Variants in MAP3K15 observed in about 807,000 individuals in gnomAD.
The protein encoded by MAP3K15 is mitogen-activated protein kinase kinase kinase 15, also known as MAPK/ERK kinase kinase 15.
Under a neutral mutation model 99.5 loss-of-function variants are expected in MAP3K15, and 124 were observed. That is an observed-to-expected ratio of 1.25 (90% CI 1.08 to 1.45). The LOEUF (loss-of-function observed/expected upper bound fraction) is 1.45. Among genes scored for constraint, MAP3K15 ranks in the 40% most tolerant of loss-of-function variants. MAP3K15 has a pLI of 0.00. For synonymous variants in MAP3K15, 494 were observed against 439.6 expected (o/e 1.12, Z -1.55); for missense variants, 1,242 against 1,079.7 (o/e 1.15, Z -2.11).
At position 19,431,448 on chromosome X, in the gene MAP3K15, C is replaced by T. The variant is rs2063880941; in HGVS notation, c.1156G>A (p.Ala386Thr). 7 of 1,199,101 alleles carry T rather than the reference C, an allele frequency of 5.8e-6. No individual in the cohort carries two copies. The highest frequency in any genetic ancestry group is 2.3e-4 in the Middle Eastern group (1 of 4,315). The change falls in exon 7 of 29, where the codon GCC becomes ACC. Residue 386 changes from alanine (A) to threonine (T), a missense_variant. Physicochemically the swap from Ala to Thr is moderately conservative, Grantham distance 58. Transcript: ENST00000338883. ...DCKDDTSRDS[A>T]IEWYRKGFEL... Reference sequence around the variant, plus strand: ...GGGCTGAGGGTTTACCACTCAATGGCGCTGTCGCGGCTGGTGTCATCTTTG... The same window carrying T: ...GGGCTGAGGGTTTACCACTCAATGGTGCTGTCGCGGCTGGTGTCATCTTTG...
chrX:19,384,943 T>A (rs976498254), intron 18 of MAP3K15, among the ~76,000 whole-genome samples: 1 of 110,483 alleles, frequency 9.1e-6, no homozygotes, highest in Non-Finnish European at 1.9e-5. Context: ...ATACCTGCTA[T>A]ATACCCACAA....
Position 19,360,508 on chromosome X carries a change from T to TAATA in MAP3K15, c.*237_*240dup, listed in dbSNP as rs2063269783. 3 of 297,155 alleles carry TAATA rather than the reference T, an allele frequency of 1.0e-5. No individual in the cohort carries two copies. The highest frequency in any genetic ancestry group is 1.8e-5 in the Non-Finnish European group (3 of 168,688). 24.5% of individuals were successfully genotyped at this position (297,155 alleles called of 1,213,427 possible). ...TAGCTGGGACTACAAGTGAATTTCC[T>TAATA]AATATTCCGGGAGGTCAAAACCAAG... On this transcript the variant is annotated 3_prime_UTR_variant, in exon 29 of 29. Coordinates refer to ENST00000338883, the MANE Select transcript of MAP3K15 (RefSeq NM_001001671.4).
chrX:19,442,188 C>G (rs2063964009), intron 6 of MAP3K15, among the ~76,000 whole-genome samples: 1 of 111,476 alleles, frequency 9.0e-6, no homozygotes, highest in Non-Finnish European at 1.9e-5. Flanking sequence ...AGGAAGACTT[C>G]CATCACCACT....
chrX:19,412,307 G>T (rs1480426506), intron 11 of MAP3K15, among the ~76,000 whole-genome samples: 1 of 112,032 alleles, frequency 8.9e-6, no homozygotes, highest in East Asian at 2.8e-4. Flanking sequence ...TTCAGGAGTG[G>T]GTAACTGTTC....
chrX:19,503,908 A>T (rs1362621267), intron 1 of MAP3K15, among the ~76,000 whole-genome samples: 2 of 107,597 alleles, frequency 1.9e-5, no homozygotes, highest in Admixed American at 2.0e-4. Flanking sequence ...TGAGCCCAGG[A>T]GTTCGAGACC....
chrX:19,424,224 A>G (rs955114576), intron 9 of MAP3K15, among the ~76,000 whole-genome samples: 3 of 101,722 alleles, frequency 2.9e-5, no homozygotes, highest in Non-Finnish European at 5.7e-5. Context: ...ATACACACAT[A>G]TATGTACACA....
intron 9 of MAP3K15, among the ~76,000 whole-genome samples, chrX:19,416,284 T>C (rs1288229342): frequency 9.0e-6 from 1 of 110,722 alleles, no homozygotes; most frequent in East Asian, 2.8e-4. Context: ...TGAGCTGAGA[T>C]TGTGCCACTG....
intron 1 of MAP3K15, among the ~76,000 whole-genome samples, chrX:19,494,813 C>G (rs767561892): frequency 6.6e-5 from 7 of 105,858 alleles, no homozygotes; most frequent in Non-Finnish European, 1.3e-4. Context: ...AAGTTTTTGG[C>G]CAAAGACTTC....
intron 6 of MAP3K15, among the ~76,000 whole-genome samples, chrX:19,453,909 T>C (rs2064074657): frequency 9.0e-6 from 1 of 111,270 alleles, no homozygotes; most frequent in Non-Finnish European, 1.9e-5. Context: ...GTGGCTACTG[T>C]AGAGATGACG....
At chrX:19,370,860 C>T in intron 24 of MAP3K15, 99 bp downstream of exon 24, 1 of 663,832 alleles carries the variant, frequency 1.5e-6, no homozygotes, top group Non-Finnish European at 2.4e-6. Flanking sequence ...AGTAGATAAC[C>T]AAGATGGAAA....
Position 19,460,145 on chromosome X carries a change from T to C in MAP3K15, c.728A>G (p.Tyr243Cys), listed in dbSNP as rs1350864011. The C allele has an allele frequency of 5.1e-6, 6 of 1,181,175 alleles. No individual in the cohort carries two copies. Among genetic ancestry groups the C allele is most frequent in the South Asian group, 1.9e-5 (1 of 53,654 alleles). ...GATGTCATTTAACAAGGTTTCTTTG[T>C]AATAAACACTATAGAAAGAAAAACA... is the stretch of plus-strand genomic sequence containing the variant. ...KDIHVTSCVYYKETLLNDIRK... is the reference protein window; with the variant it reads ...KDIHVTSCVYCKETLLNDIRK... Residue 243 changes from tyrosine (Y) to cysteine (C), a missense_variant, in exon 5 of 29, where the codon TAC becomes TGC. Transcript: ENST00000338883.
chrX:19,365,098 GGAGGGGAGACT>G (rs1023609881), intron 25 of MAP3K15, among the ~76,000 whole-genome samples: 10 of 108,427 alleles, frequency 9.2e-5, no homozygotes, highest in Non-Finnish European at 1.9e-4. Context: ...CAGCTACTCG[GGAGGGGAGACT>G]GAGGCAGAAG....
intron 24 of MAP3K15, among the ~76,000 whole-genome samples, chrX:19,369,887 G>A (rs2063362225): frequency 9.1e-6 from 1 of 109,958 alleles, no homozygotes; most frequent in African/African-American, 3.3e-5. Flanking sequence ...TCCAGCCTGG[G>A]TGACAGAGCA....
intron 3 of MAP3K15, among the ~76,000 whole-genome samples, chrX:19,474,876 T>A (rs2064231522): frequency 1.8e-5 from 2 of 111,035 alleles, no homozygotes; most frequent in South Asian, 7.6e-4. Flanking sequence ...ATAACTGTAT[T>A]TTGATATGAA....
intron 16 of MAP3K15, among the ~76,000 whole-genome samples, chrX:19,393,063 C>A (rs751469514): frequency 9.0e-6 from 1 of 110,777 alleles, no homozygotes; most frequent in African/African-American, 3.3e-5. Flanking sequence ...CCCCCAATTA[C>A]GCTATTAAAC....
At chrX:19,488,012 C>T (rs1343370849) in intron 2 of MAP3K15, among the ~76,000 whole-genome samples, 2 of 111,052 alleles carry the variant, frequency 1.8e-5, no homozygotes, top group African/African-American at 6.6e-5. Flanking sequence ...GGGGCCTAGG[C>T]ATGGGGATAT....
At chrX:19,387,797 C>T (rs779875777) in intron 18 of MAP3K15, among the ~76,000 whole-genome samples, 5 of 112,349 alleles carry the variant, frequency 4.5e-5, no homozygotes, top group South Asian at 3.7e-4. Context: ...CAGTCCTCCA[C>T]GATCTGAATC....
chrX:19,502,194 A>T (rs1308604435), intron 1 of MAP3K15, among the ~76,000 whole-genome samples: 1 of 109,833 alleles, frequency 9.1e-6, no homozygotes, highest in African/African-American at 3.3e-5. Context: ...ATGAAAGCTG[A>T]ACAGGTATTG....
At chrX:19,501,676 T>C (rs370975048) in intron 1 of MAP3K15, among the ~76,000 whole-genome samples, 1 of 112,306 alleles carries the variant, frequency 8.9e-6, no homozygotes, top group East Asian at 2.8e-4. Flanking sequence ...GGGTAGATAT[T>C]CGTAGCAATC....
Sources: gnomAD v4.1 joint callset for allele counts (sites outside exome capture counted in the v4.1 genomes callset) on GRCh38, gnomAD v4.1.1 for gene constraint, MANE v1.5 for transcripts, NCBI Gene and HGNC (gene_info 2026-07-23, HGNC 2026-07-21) for gene names.